Variants in ARHGAP35 observed in about 807,000 individuals in gnomAD.
The protein encoded by ARHGAP35 is rho GTPase-activating protein 35.
ARHGAP35 carries 15 observed loss-of-function variants against 111.1 expected under a neutral mutation model. That is an observed-to-expected ratio of 0.13 (90% confidence interval 0.09 to 0.21). The LOEUF is 0.21. Among genes scored for constraint, ARHGAP35 ranks in the 10% least tolerant of loss-of-function variants. ARHGAP35 has a pLI of 1.00. For synonymous variants in ARHGAP35, 643 were observed against 710.3 expected, an observed-to-expected ratio of 0.91 and a Z score of 1.51; for missense variants, 1,262 against 1,873.0, an observed-to-expected ratio of 0.67 and a Z score of 6.02.
At chr19:46,965,464 T>C (rs1336765218) in intron 3 of ARHGAP35, among the ~76,000 whole-genome samples, 2 of 131,136 alleles carry the variant, frequency 1.5e-5, no homozygotes, top group African/African-American at 6.1e-5. Flanking sequence ...TTTTCTTGGG[T>C]TTTTTGTTTG....
chr19:46,884,880 C>G (rs559614178), intron 1 of ARHGAP35, among the ~76,000 whole-genome samples: 1 of 152,192 alleles, frequency 6.6e-6, no homozygotes, highest in African/African-American at 2.4e-5. Flanking sequence ...CCATGCCTGG[C>G]TACTTTTTAA....
chr19:46,945,459 G>A lies in ARHGAP35; in HGVS notation c.3826+8051G>A, dbSNP rs1236618077. Among the ~76,000 whole-genome samples the A allele has an allele frequency of 6.6e-6, 1 of 152,132 alleles. No individual in the cohort carries two copies. The highest frequency in any genetic ancestry group is 1.5e-5 in the Non-Finnish European group (1 of 68,032). On this transcript the variant is annotated intron_variant, in intron 3 of 6. Transcript: ENST00000672722. The surrounding 1 kb of genome is among the most constrained non-coding windows in gnomAD (Gnocchi z 4.1). The stretch of plus-strand genomic sequence containing the variant: ...TTTAGAGCTGGCTCACAATCCTCCT[G>A]AGAATAATTTCTCAGGGTAAAGTAC...
chr19:46,999,480 C>T lies in ARHGAP35; in HGVS notation c.4142+71C>T. 9.5e-7 allele frequency: 1 copy of T among 1,055,760 alleles called. No individual in the cohort carries two copies. Among genetic ancestry groups the T allele is most frequent in the Non-Finnish European group, 1.4e-6 (1 of 708,974 alleles). The allele number at this position is 1,055,760 out of a possible 1,614,324, so 65.4% of individuals were successfully genotyped here. On this transcript the variant is annotated intron_variant, in intron 6 of 6. Transcript: ENST00000672722. The surrounding 1 kb of genome is among the most constrained non-coding windows in gnomAD (Gnocchi z 5.4). The stretch of plus-strand genomic sequence containing the variant: ...CAGCCAGGGTCAGTGTGTCGCAGAA[C>T]AAGGCTCTGTCCACAAGCCAGTAGA...
intron 1 of ARHGAP35, among the ~76,000 whole-genome samples, chr19:46,879,617 A>AATAAATAAATAAATAAAAAT (rs899638161): frequency 4.2e-5 from 6 of 141,342 alleles, no homozygotes; most frequent in African/African-American, 1.6e-4. Context: ...TAAATAAATA[A>AATAAATAAATAAATAAAAAT]AAATAAAAAT....
intron 1 of ARHGAP35, among the ~76,000 whole-genome samples, chr19:46,886,838 G>A (rs898190376): frequency 6.6e-6 from 1 of 152,128 alleles, no homozygotes; most frequent in Non-Finnish European, 1.5e-5. Flanking sequence ...CCAAATCCCA[G>A]ATGATTTTGC....
chr19:46,893,814 A>C (rs868298864), intron 1 of ARHGAP35, among the ~76,000 whole-genome samples: 2 of 151,668 alleles, frequency 1.3e-5, no homozygotes, highest in African/African-American at 2.4e-5. Context: ...TTGGGGGGGA[A>C]GTCCATTTAT....
chr19:46,877,614 C>T (rs892235467), intron 1 of ARHGAP35, among the ~76,000 whole-genome samples: 6 of 151,980 alleles, frequency 3.9e-5, no homozygotes, highest in South Asian at 4.1e-4. Context: ...ATCTTTATGC[C>T]GTACTGTAGT....
At position 46,999,709 on chromosome 19, in the gene ARHGAP35, C is replaced by A. The variant is rs1298095869; in HGVS notation, c.4142+300C>A. 2.6e-6 allele frequency: 1 copy of A among 384,922 alleles called. No individual in the cohort carries two copies. Among genetic ancestry groups the A allele is most frequent in the Non-Finnish European group, 4.7e-6 (1 of 212,848 alleles). 23.8% of individuals were successfully genotyped at this position (384,922 alleles called of 1,614,324 possible). On this transcript the variant is annotated intron_variant, in intron 6 of 6. Coordinates refer to ENST00000672722, the MANE Select transcript of ARHGAP35 (RefSeq NM_004491.5). The surrounding 1 kb of genome is among the most constrained non-coding windows in gnomAD (Gnocchi z 5.4). ...CATGGGGCCTCTTGTAGGCCTGTGT[C>A]CCAAAGCTGGCAGAGAGAGAAGATC...
intron 1 of ARHGAP35, among the ~76,000 whole-genome samples, chr19:46,878,480 G>C (rs997251341): frequency 1.9e-4 from 29 of 151,840 alleles, no homozygotes; most frequent in African/African-American, 6.8e-4. Flanking sequence ...TACCACGCTT[G>C]GCTAATTTTT....
chr19:46,888,720 G>A (rs1011355133), intron 1 of ARHGAP35, among the ~76,000 whole-genome samples: 35 of 151,822 alleles, frequency 2.3e-4, no homozygotes, highest in African/African-American at 8.5e-4. Context: ...TTGGCCGGGT[G>A]TGGTGGCTTA....
intron 5 of ARHGAP35, among the ~76,000 whole-genome samples, chr19:46,996,252 C>T (rs369718247): frequency 1.7e-3 from 256 of 152,224 alleles, no homozygotes; most frequent in African/African-American, 5.7e-3. Flanking sequence ...TATAGGCACA[C>T]GCCACCAGAC....
chr19:46,990,281 T>A (rs1265824359), intron 5 of ARHGAP35, among the ~76,000 whole-genome samples: 1 of 152,266 alleles, frequency 6.6e-6, no homozygotes, highest in African/African-American at 2.4e-5. Flanking sequence ...CTGTGTGCCA[T>A]GCCACCTTGC....
intron 3 of ARHGAP35, among the ~76,000 whole-genome samples, chr19:46,965,481 T>C (rs571627033): frequency 6.6e-6 from 1 of 152,080 alleles, no homozygotes; most frequent in East Asian, 1.9e-4. Context: ...TTTGTTTGTT[T>C]GTTTGTTTGT....
At position 46,903,771 on chromosome 19, in the gene ARHGAP35, C is replaced by T. The variant is rs542647556; in HGVS notation, c.-188-14717C>T. 2.6e-5 allele frequency among the ~76,000 whole-genome samples: 4 copies of T among 152,310 alleles called. No individual in the cohort carries two copies. In the East Asian group the frequency reaches 7.7e-4, roughly 29 times the overall value. On this transcript the variant is annotated intron_variant, in intron 1 of 6. Coordinates refer to ENST00000672722, the MANE Select transcript of ARHGAP35 (RefSeq NM_004491.5). ...ACAAACTACTATTTTGGTCTCTTAT[C>T]TAAAGGAAAATCATGAAGCTAGCAC...
At chr19:46,907,478 T>C (rs200164751) in intron 1 of ARHGAP35, among the ~76,000 whole-genome samples, 1 of 147,484 alleles carries the variant, frequency 6.8e-6, no homozygotes, top group African/African-American at 2.5e-5. Flanking sequence ...TAGCTTCTTT[T>C]TTTGTTTGTT....
At chr19:46,925,543 G>A (rs1216754221) in intron 2 of ARHGAP35, among the ~76,000 whole-genome samples, 2 of 152,218 alleles carry the variant, frequency 1.3e-5, no homozygotes, top group African/African-American at 4.8e-5. Flanking sequence ...AGGCACCATA[G>A]GGAAATGACA....
At chr19:46,897,695 C>A (rs1254052300) in intron 1 of ARHGAP35, among the ~76,000 whole-genome samples, 136 of 133,574 alleles carry the variant, frequency 1.0e-3, no homozygotes, top group African/African-American at 1.0e-3. Flanking sequence ...GATCTTTAAC[C>A]AAAAAAAAAA....
At chr19:46,995,568 C>T (rs1294572626) in intron 5 of ARHGAP35, among the ~76,000 whole-genome samples, 1 of 152,230 alleles carries the variant, frequency 6.6e-6, no homozygotes, top group East Asian at 1.9e-4. Flanking sequence ...GTCCCATCCA[C>T]CTTTGCCATC....
At chr19:46,990,456 T>G (rs1599869608) in intron 5 of ARHGAP35, among the ~76,000 whole-genome samples, 1 of 152,206 alleles carries the variant, frequency 6.6e-6, no homozygotes, top group Admixed American at 6.5e-5. Context: ...TTTTAAGTCA[T>G]CAGCAGCCTT....
Sources: gnomAD v4.1 joint callset for allele counts (sites outside exome capture counted in the v4.1 genomes callset) on GRCh38, gnomAD v4.1.1 for gene constraint, Gnocchi (gnomAD v3.1) non-coding constraint, MANE v1.5 for transcripts, NCBI Gene and HGNC (gene_info 2026-07-23, HGNC 2026-07-21) for gene names.